Variants in ELP2 observed in about 807,000 individuals in gnomAD.
ELP2 encodes the protein elongator acetyltransferase complex subunit 2, also known as elongator complex protein 2.
Under a neutral mutation model 119.2 loss-of-function variants are expected in ELP2, and 90 were observed. The observed-to-expected ratio is 0.75, with a 90% CI of 0.64 to 0.90. The LOEUF is 0.90. Among genes scored for constraint, ELP2 ranks in the 40% least tolerant of loss-of-function variants. The pLI is 0.00. For missense variants in ELP2, 921 were observed against 967.8 expected (o/e 0.95, Z 0.64); for synonymous variants, 339 against 331.0 (o/e 1.02, Z -0.26).
At chr18:36,145,674 T>C (rs893224070) in intron 9 of ELP2, among the ~76,000 whole-genome samples, 5 of 152,280 alleles carry the variant, frequency 3.3e-5, no homozygotes, top group African/African-American at 9.6e-5. Flanking sequence ...CTTGCCTTTT[T>C]AGCTTACCGT....
chr18:36,137,040 C>A (rs1457895255), intron 3 of ELP2: 1 of 151,680 alleles, frequency 6.6e-6, no homozygotes, highest in Non-Finnish European at 1.5e-5. Context: ...GTTATAAATA[C>A]AAAAAGTATA....
At chr18:36,155,025 T>C in intron 12 of ELP2, 26 bp downstream of exon 12, 1 of 1,594,466 alleles carries the variant, frequency 6.3e-7, no homozygotes, top group Non-Finnish European at 8.6e-7. Context: ...TATTTATTTA[T>C]TTTTTCTTGG....
At chr18:36,148,740 G>A (rs929293472) in intron 11 of ELP2, among the ~76,000 whole-genome samples, 1 of 152,140 alleles carries the variant, frequency 6.6e-6, no homozygotes, top group Non-Finnish European at 1.5e-5. Context: ...CCTGGGTATC[G>A]TTGCAGGCGC....
intron 12 of ELP2, among the ~76,000 whole-genome samples, chr18:36,156,259 A>G (rs1347354442): frequency 6.6e-6 from 1 of 152,346 alleles, no homozygotes; most frequent in East Asian, 1.9e-4. Flanking sequence ...TCTATAGTCA[A>G]CTGAAAAACA....
rs934861812 is a variant in ELP2 at position 36,130,068 on chromosome 18, C to T, written c.135C>T (p.Pro45=). The T allele has an allele frequency of 8.7e-6, 14 of 1,614,056 alleles. No homozygotes were observed. The highest frequency in any genetic ancestry group is 6.7e-5 in the East Asian group (3 of 44,896). ...GTSCSVVLYD[P]LKRVVVTNLN... ...CCTGCTCCGTGGTGCTCTATGACCC[C>T]CTGGTAAGAGAGGTCGCTGGACGGC... The change falls in exon 1 of 22, where the codon CCC becomes CCT. Residue 45 remains proline (P), a synonymous_variant. Coordinates refer to ENST00000358232, the MANE Select transcript of ELP2 (RefSeq NM_018255.4).
intron 5 of ELP2, chr18:36,139,586 T>C (rs2089952030): frequency 6.5e-7 from 1 of 1,534,824 alleles, no homozygotes; most frequent in Admixed American, 2.0e-5. Flanking sequence ...TAACAGAATT[T>C]CATTTCTTCC....
chr18:36,136,512 G>A lies in ELP2; in HGVS notation c.288+135G>A, dbSNP rs577517375. On this transcript the variant is annotated intron_variant, in intron 3 of 21. Coordinates refer to ENST00000358232, the MANE Select transcript of ELP2 (RefSeq NM_018255.4). ...CTCACCTCAGCCTCCTAAGTAGCTG[G>A]GACTACAGGTGCCTGACACCATGCC... The A allele has an allele frequency of 2.8e-4, 211 of 749,352 alleles. 4 individuals carry two copies. In the African/African-American group the frequency reaches 3.4e-3, roughly 12 times the overall value. The allele number at this position is 749,352 out of a possible 1,614,324, so 46.4% of individuals were successfully genotyped here.
chr18:36,129,947 T>C lies in ELP2; in HGVS notation c.14T>C (p.Val5Ala). 3 of 1,614,230 alleles carry C rather than the reference T, an allele frequency of 1.9e-6. No individual in the cohort carries two copies. The highest frequency in any genetic ancestry group is 2.5e-6 in the Non-Finnish European group (3 of 1,180,050). ...CCAGTTGGCGACATGGTGGCACCCGTGCTGGAGACTTCTCACGTGTTTTGC... is the reference window on the plus strand; with the variant it reads ...CCAGTTGGCGACATGGTGGCACCCGCGCTGGAGACTTCTCACGTGTTTTGC... MVAP[V>A]LETSHVFCCP... Residue 5 changes from valine to alanine, a missense_variant, in exon 1 of 22, where the codon GTG (valine) becomes GCG (alanine). Val to Ala is a moderately conservative substitution (Grantham distance 64). Coordinates refer to ENST00000358232, the MANE Select transcript of ELP2 (RefSeq NM_018255.4).
rs2091036250 is a variant in ELP2 at position 36,170,175 on chromosome 18, C to A, written c.2189C>A (p.Pro730Gln). 1 of 1,614,012 alleles carries A rather than the reference C, an allele frequency of 6.2e-7. No individual in the cohort carries two copies. The highest frequency in any genetic ancestry group is 1.7e-5 in the Admixed American group (1 of 59,996). ...GGAVTAVSVCPVLHPSQRYVV... is the reference protein window; with the variant it reads ...GGAVTAVSVCQVLHPSQRYVV... ...GCTGTGACAGCTGTCAGCGTCTGCC[C>A]AGTGCTCCACCCTTCTCAACGGTCA... The change falls in exon 20 of 22, where the codon CCA (proline) becomes CAA (glutamine). Residue 730 changes from proline to glutamine, a missense_variant. Pro to Gln is a moderately conservative substitution (Grantham distance 76). Transcript: ENST00000358232.
rs890253225 is a variant in ELP2 at position 36,176,561 on chromosome 18, A to G, written c.*1920A>G. The stretch of plus-strand genomic sequence containing the variant: ...AGTTTTCAAGTTGTCAGTTTTCCCA[A>G]ATTGTCCTCAAGCATCTTCCTCTGG... On this transcript the variant is annotated 3_prime_UTR_variant, in exon 22 of 22. Transcript: ENST00000358232. 2 of 152,164 alleles carry G rather than the reference A, an allele frequency of 1.3e-5. No individual in the cohort carries two copies. The highest frequency in any genetic ancestry group is 2.9e-5 in the Non-Finnish European group (2 of 68,032). 9.4% of individuals were successfully genotyped at this position (152,164 alleles called of 1,614,324 possible).
At chr18:36,133,806 G>A (rs921818673) in intron 2 of ELP2, among the ~76,000 whole-genome samples, 16 of 147,132 alleles carry the variant, frequency 1.1e-4, no homozygotes, top group African/African-American at 3.8e-4. Context: ...CTCACTTGTT[G>A]CCCAAGCTGG....
At chr18:36,138,520 T>C (rs879606331) in intron 4 of ELP2, 94 bp downstream of exon 4, 23 of 1,355,262 alleles carry the variant, frequency 1.7e-5, no homozygotes, top group Non-Finnish European at 2.3e-5. Flanking sequence ...TTTACAACTT[T>C]GGAGCAACTT....
chr18:36,155,264 TC>T (rs60227416), intron 12 of ELP2, among the ~76,000 whole-genome samples: 25,769 of 100,470 alleles, frequency 0.26, 1,679 homozygotes, highest in South Asian at 0.4. Flanking sequence ...GCACCGCCCC[TC>T]CCCCCCCCCC....
At chr18:36,137,787 A>T (rs544213829) in intron 3 of ELP2, among the ~76,000 whole-genome samples, 135 of 138,684 alleles carry the variant, frequency 9.7e-4, no homozygotes, top group African/African-American at 2.9e-3. Context: ...ATCCCAAAGT[A>T]TACTCATATT....
chr18:36,152,635 T>A (rs981654221), intron 11 of ELP2, among the ~76,000 whole-genome samples: 34 of 152,298 alleles, frequency 2.2e-4, no homozygotes, highest in Admixed American at 3.3e-4. Flanking sequence ...TTTTTGGGGG[T>A]AAACAGACCT....
rs568716169 is a variant in ELP2, at chr18:36,143,564, T to C, written c.796+598T>C. On this transcript the variant is annotated intron_variant, in intron 8 of 21. Transcript: ENST00000358232. The stretch of plus-strand genomic sequence containing the variant: ...GACTACGCCATCACACCCAGCTAAT[T>C]TTTAAAATTTTCTGTAAAGATAGGG... Among the ~76,000 whole-genome samples, 6 of 152,002 alleles carry C rather than the reference T, an allele frequency of 3.9e-5. No homozygotes were observed. In the South Asian group the frequency reaches 1.0e-3, roughly 26 times the overall value.
chr18:36,169,963 A>G, intron 19 of ELP2, 100 bp from the exon 20 acceptor site: 1 of 1,484,886 alleles, frequency 6.7e-7, no homozygotes, highest in Non-Finnish European at 9.4e-7. Flanking sequence ...TTAAAATACC[A>G]GAGCAAATAC....
rs201445662 is a variant in ELP2, at chr18:36,141,351, A to ATGGT, written c.588+153_588+156dup. 8.0e-3 allele frequency: 5,649 copies of ATGGT among 703,614 alleles called. 112 individuals carry two copies. The highest frequency in any genetic ancestry group is 6.3e-3 in the Non-Finnish European group (2,517 of 399,094). 43.6% of individuals were successfully genotyped at this position (703,614 alleles called of 1,614,324 possible). A position where few individuals can be genotyped will look rare whatever the true frequency, so the allele number is the denominator to read the frequency against. On this transcript the variant is annotated intron_variant, in intron 6 of 21. Transcript: ENST00000358232. ...CTTTTTTTGACAGTCCTCTGTTAAG[A>ATGGT]TGGTTGTCTACTCTGAACACCAAGT... is the stretch of plus-strand genomic sequence containing the variant.
Position 36,156,571 on chromosome 18 carries a change from C to A in ELP2, c.1381C>A (p.Leu461Ile), listed in dbSNP as rs35094617. Reference protein sequence around the residue: ...QFVSGADEKVLRVFSAPRNFV... With the variant: ...QFVSGADEKVIRVFSAPRNFV... Reference sequence around the variant, plus strand: ...TGTATCTGGAGCAGATGAAAAAGTTCTTCGGGTTTTTTCTGCACCTCGGAA... The same window carrying A: ...TGTATCTGGAGCAGATGAAAAAGTTATTCGGGTTTTTTCTGCACCTCGGAA... The change falls in exon 13 of 22, where the codon CTT becomes ATT. Residue 461 changes from leucine (L) to isoleucine (I), a missense_variant. Coordinates refer to ENST00000358232, the MANE Select transcript of ELP2 (RefSeq NM_018255.4). 1.2e-4 allele frequency: 193 copies of A among 1,614,038 alleles called. No individual in the cohort carries two copies. In the African/African-American group the frequency reaches 2.1e-3, roughly 18 times the overall value.
Sources: allele counts gnomAD v4.1 joint callset (sites outside exome capture counted in the v4.1 genomes callset), GRCh38; gene constraint gnomAD v4.1.1; transcripts MANE v1.5; gene names NCBI Gene and HGNC (gene_info 2026-07-23, HGNC 2026-07-21).